Variants in RBFOX1 observed in about 807,000 individuals in gnomAD.
RBFOX1 encodes the protein RNA binding fox-1 homolog 1.
In RBFOX1, 8 loss-of-function variants were observed where a neutral mutation model predicts 57.7. The ratio of observed to expected loss-of-function variants is 0.14; its 90% confidence interval spans 0.08 to 0.25. RBFOX1 has a LOEUF of 0.25. Among genes scored for constraint, RBFOX1 ranks in the 10% least tolerant of loss-of-function variants. RBFOX1 has a pLI of 1.00. For missense variants in RBFOX1, 611 were observed against 548.5 expected (o/e 1.11, Z -1.14); for synonymous variants, 326 against 222.4 (o/e 1.47, Z -4.15).
chr16:6,512,845 G>C (rs932270483), intron 2 of RBFOX1, among the ~76,000 whole-genome samples: 1 of 152,172 alleles, frequency 6.6e-6, no homozygotes, highest in Non-Finnish European at 1.5e-5. Context: ...ATGATCCAAT[G>C]CTGGCCCATG....
rs566330770 is a variant in RBFOX1, at chr16:5,927,482, T to A, written c.351+60147T>A. Among the ~76,000 whole-genome samples the A allele has an allele frequency of 2.6e-5, 4 of 152,284 alleles. No homozygotes were observed. The South Asian group carries it at 8.3e-4, about 32-fold the overall frequency. ...TAAGGGTGTGGAGAAAAGAGAACGC[T>A]TGTACACTGCTAGTGGGAATGTAAA... On this transcript the variant is annotated intron_variant, in intron 4 of 19. Transcript: ENST00000641259.
intron 4 of RBFOX1, among the ~76,000 whole-genome samples, chr16:7,141,431 G>A (rs1268653486): frequency 6.6e-6 from 1 of 152,298 alleles, no homozygotes; most frequent in Non-Finnish European, 1.5e-5. Context: ...TCGCATGATT[G>A]TTAATCCAAG....
At chr16:5,265,327 G>C (rs184566615) in intron 1 of RBFOX1, among the ~76,000 whole-genome samples, 1 of 138,392 alleles carries the variant, frequency 7.2e-6, no homozygotes. Context: ...CTAACTCAAT[G>C]CTAGTGGTAG....
At chr16:6,487,400 T>C (rs974498110) in intron 2 of RBFOX1, among the ~76,000 whole-genome samples, 1 of 152,022 alleles carries the variant, frequency 6.6e-6, no homozygotes, top group African/African-American at 2.4e-5. Flanking sequence ...CTCCATTTCT[T>C]GTTTGCTTAT....
intron 1 of RBFOX1, among the ~76,000 whole-genome samples, chr16:6,220,454 C>G (rs769422198): frequency 7.2e-5 from 11 of 152,164 alleles, no homozygotes; most frequent in Non-Finnish European, 1.2e-4. Flanking sequence ...TTGGTAATAG[C>G]TTTCATTTCT....
intron 3 of RBFOX1, among the ~76,000 whole-genome samples, chr16:6,916,202 C>T (rs968535376): frequency 6.6e-6 from 1 of 152,104 alleles, no homozygotes; most frequent in Non-Finnish European, 1.5e-5. Context: ...AAGTAGGAAT[C>T]AGGAGGCATT....
At chr16:6,925,076 C>G (rs1043804467) in intron 3 of RBFOX1, among the ~76,000 whole-genome samples, 4 of 132,930 alleles carry the variant, frequency 3.0e-5, no homozygotes, top group African/African-American at 8.5e-5. Context: ...TTTTCTTAAT[C>G]CAGTCTATCG....
intron 5 of RBFOX1, among the ~76,000 whole-genome samples, chr16:7,536,772 G>C (rs2081576652): frequency 6.6e-6 from 1 of 152,186 alleles, no homozygotes; most frequent in Admixed American, 6.5e-5. Context: ...GGGATGCCAT[G>C]GTAGTAGCTT....
At chr16:6,747,690 C>CT (rs1171072098) in intron 3 of RBFOX1, among the ~76,000 whole-genome samples, 6 of 152,152 alleles carry the variant, frequency 3.9e-5, no homozygotes, top group Admixed American at 6.6e-5. Context: ...TGATTGCTGC[C>CT]TTTTTTGCAA....
intron 4 of RBFOX1, among the ~76,000 whole-genome samples, chr16:7,304,040 C>G (rs897699946): frequency 6.6e-6 from 1 of 151,896 alleles, no homozygotes; most frequent in Admixed American, 6.6e-5. Context: ...AAAAGCCAGA[C>G]GACCGCGCGA....
At chr16:7,020,097 C>G (rs893285098) in intron 3 of RBFOX1, among the ~76,000 whole-genome samples, 3 of 151,982 alleles carry the variant, frequency 2.0e-5, no homozygotes, top group African/African-American at 4.8e-5. Flanking sequence ...CTTCCATTGT[C>G]AAGGTATTTA....
intron 1 of RBFOX1, among the ~76,000 whole-genome samples, chr16:5,372,930 G>A (rs2065896948): frequency 6.6e-6 from 1 of 152,194 alleles, no homozygotes; most frequent in Admixed American, 6.5e-5. Context: ...TCTGAAGACG[G>A]GGAGAAGAGC....
chr16:6,986,072 A>G (rs957339615), intron 3 of RBFOX1, among the ~76,000 whole-genome samples: 3 of 151,624 alleles, frequency 2.0e-5, no homozygotes, highest in African/African-American at 7.3e-5. Flanking sequence ...TTGTCTTTTT[A>G]AAAATGTGCA....
At chr16:7,551,093 A>C (rs903616896) in intron 5 of RBFOX1, among the ~76,000 whole-genome samples, 1 of 148,940 alleles carries the variant, frequency 6.7e-6, no homozygotes, top group South Asian at 2.1e-4. Context: ...AGACTCAAAA[A>C]AAAAAAAAAA....
rs78038855 is a variant in RBFOX1 at position 6,348,671 on chromosome 16, G to C, written c.-64+31614G>C. Among the ~76,000 whole-genome samples the C allele has an allele frequency of 8.1e-3, 1,230 of 152,286 alleles. 22 individuals carry two copies. The highest frequency in any genetic ancestry group is 0.028 in the African/African-American group (1,157 of 41,558). ...GAGGAGGCATCTCAGAGCAGGAGCAGGACTGAGGGTGGGGAGCGTGCCACG... is the reference window on the plus strand; with the variant it reads ...GAGGAGGCATCTCAGAGCAGGAGCACGACTGAGGGTGGGGAGCGTGCCACG... On this transcript the variant is annotated intron_variant, in intron 2 of 15. Transcript: ENST00000550418.
chr16:6,718,300 C>T (rs1357146914), intron 3 of RBFOX1, among the ~76,000 whole-genome samples: 1 of 152,160 alleles, frequency 6.6e-6, no homozygotes, highest in Admixed American at 6.5e-5. Flanking sequence ...GTGAATGGAA[C>T]AGACGTGCCC....
rs186715953 is a variant in RBFOX1, at chr16:6,565,407, G to A, written c.-63-89196G>A. On this transcript the variant is annotated intron_variant, in intron 2 of 15. Transcript: ENST00000550418. ...CAAGTAGCTGGAACTACAGGCGCCC[G>A]CCACCATGCCTGGCTAATTTTTTGT... Among the ~76,000 whole-genome samples the A allele has an allele frequency of 5.0e-3, 763 of 152,000 alleles. 1 individual carries two copies. The highest frequency in any genetic ancestry group is 7.5e-3 in the African/African-American group (313 of 41,476).
intron 3 of RBFOX1, among the ~76,000 whole-genome samples, chr16:5,655,447 G>T (rs1363292307): frequency 3.3e-5 from 5 of 152,220 alleles, no homozygotes. Flanking sequence ...ATATCTGGCA[G>T]GAAATGACAT....
At chr16:5,969,576 C>A (rs1252095615) in intron 4 of RBFOX1, among the ~76,000 whole-genome samples, 1 of 150,936 alleles carries the variant, frequency 6.6e-6, no homozygotes, top group Non-Finnish European at 1.5e-5. Flanking sequence ...CCTGCCTCAA[C>A]CTCCCACAGT....
Sources: gnomAD v4.1 joint callset for allele counts (sites outside exome capture counted in the v4.1 genomes callset) on GRCh38, gnomAD v4.1.1 for gene constraint, MANE v1.5 for transcripts, NCBI Gene and HGNC (gene_info 2026-07-23, HGNC 2026-07-21) for gene names.